Variants in UGGT2 observed in about 807,000 individuals in gnomAD.
The protein encoded by UGGT2 is UDP-glucose glycoprotein glucosyltransferase 2.
Under a neutral mutation model 192.1 loss-of-function variants are expected in UGGT2, and 180 were observed. The ratio of observed to expected loss-of-function variants is 0.94; its 90% CI spans 0.83 to 1.06. The LOEUF (loss-of-function observed/expected upper bound fraction) is 1.06, where lower values mean the gene tolerates loss of function less well. UGGT2 is among the 50% of genes least tolerant of loss of function. The probability of loss-of-function intolerance (pLI) is 0.00; values close to 1 mark genes in which losing one functional copy is unlikely to be tolerated. For missense variants in UGGT2, 1,849 were observed against 1,795.7 expected, an observed-to-expected ratio of 1.03 and a Z score of -0.54; for synonymous variants, 580 against 591.0, an observed-to-expected ratio of 0.98 and a Z score of 0.27.
At position 95,940,068 on chromosome 13, in the gene UGGT2, A is replaced by T; in HGVS notation, c.1701T>A (p.Asp567Glu). Residue 567 changes from aspartate (D) to glutamate (E), a missense_variant, in exon 16 of 39, where the codon GAT (aspartate) becomes GAA (glutamate). Transcript: ENST00000376747. ...CATTGTCCACAGTGAGTATATTTTGATCCTTCTTCACTTTTTGGTACATCT... is the reference window on the plus strand; with the variant it reads ...CATTGTCCACAGTGAGTATATTTTGTTCCTTCTTCACTTTTTGGTACATCT... ...IVHMYQKVKK[D>E]QNILTVDNVK... 1.3e-6 allele frequency: 2 copies of T among 1,539,470 alleles called. No homozygotes were observed. Among genetic ancestry groups the T allele is most frequent in the Non-Finnish European group, 8.8e-7 (1 of 1,138,012 alleles).
chr13:95,967,476 G>GT (rs56772987), intron 12 of UGGT2, among the ~76,000 whole-genome samples: 4 of 127,622 alleles, frequency 3.1e-5, no homozygotes, highest in African/African-American at 8.8e-5. Context: ...CAACTTTTTT[G>GT]TTTTTTTTTT....
intron 1 of UGGT2, among the ~76,000 whole-genome samples, chr13:96,045,521 A>T (rs2053284428): frequency 6.6e-6 from 1 of 152,218 alleles, no homozygotes; most frequent in Non-Finnish European, 1.5e-5. Flanking sequence ...AAGGGCATCC[A>T]AATCAGTAAA....
intron 38 of UGGT2, among the ~76,000 whole-genome samples, chr13:95,821,602 G>A (rs1348743355): frequency 6.6e-6 from 1 of 151,920 alleles, no homozygotes; most frequent in African/African-American, 2.4e-5. Flanking sequence ...ACTTATTTTT[G>A]TTCCATTTGC....
At chr13:95,819,831 GA>G (rs1480559802) in intron 38 of UGGT2, among the ~76,000 whole-genome samples, 1 of 152,098 alleles carries the variant, frequency 6.6e-6, no homozygotes, top group Admixed American at 6.6e-5. Flanking sequence ...AAAAACAGGA[GA>G]AAAATAAGAG....
At chr13:95,982,270 A>G (rs892674210) in intron 10 of UGGT2, among the ~76,000 whole-genome samples, 2 of 152,224 alleles carry the variant, frequency 1.3e-5, no homozygotes, top group African/African-American at 2.4e-5. Flanking sequence ...ATTTTCTAAC[A>G]AAGAACAGCC....
intron 13 of UGGT2, among the ~76,000 whole-genome samples, chr13:95,948,762 A>G (rs1343543754): frequency 1.3e-5 from 2 of 152,238 alleles, no homozygotes; most frequent in African/African-American, 4.8e-5. Context: ...TTATAAAATG[A>G]CATAAGGGCT....
At chr13:95,898,461 T>C (rs1295849968) in intron 22 of UGGT2, among the ~76,000 whole-genome samples, 1 of 152,162 alleles carries the variant, frequency 6.6e-6, no homozygotes, top group Non-Finnish European at 1.5e-5. Context: ...TTGCATTCAC[T>C]GTACTCTGTC....
At chr13:95,859,713 G>T (rs1889976232) in intron 32 of UGGT2, 38 bp from the exon 33 acceptor site, 1 of 1,411,186 alleles carries the variant, frequency 7.1e-7, no homozygotes, top group East Asian at 2.3e-5. Context: ...TACATTAACA[G>T]TAACAGGAGC....
intron 36 of UGGT2, among the ~76,000 whole-genome samples, chr13:95,851,937 A>C (rs1390423355): frequency 6.6e-6 from 1 of 152,226 alleles, no homozygotes; most frequent in Non-Finnish European, 1.5e-5. Flanking sequence ...GAATTACCAA[A>C]AATGTATTCA....
chr13:95,902,758 A>G, intron 21 of UGGT2, 96 bp downstream of exon 21: 1 of 1,198,022 alleles, frequency 8.3e-7, no homozygotes, highest in Non-Finnish European at 1.2e-6. Flanking sequence ...ATTTGTTTAA[A>G]TCTACCATTG....
chr13:95,896,300 T>C (rs958214642), intron 22 of UGGT2, among the ~76,000 whole-genome samples: 2 of 152,040 alleles, frequency 1.3e-5, no homozygotes, highest in African/African-American at 4.8e-5. Flanking sequence ...ATATCAAAGG[T>C]GACTAACTGG....
intron 36 of UGGT2, among the ~76,000 whole-genome samples, chr13:95,842,831 A>G (rs1888010819): frequency 6.6e-6 from 1 of 152,236 alleles, no homozygotes; most frequent in African/African-American, 2.4e-5. Context: ...CAACCATGTG[A>G]GTGACTTTGC....
At position 95,860,854 on chromosome 13, in the gene UGGT2, T is replaced by C. The variant is rs1395007073; in HGVS notation, c.3674A>G (p.Lys1225Arg). 2 of 1,570,116 alleles carry C rather than the reference T, an allele frequency of 1.3e-6. No individual in the cohort carries two copies. Among genetic ancestry groups the C allele is most frequent in the Non-Finnish European group, 1.7e-6 (2 of 1,159,894 alleles). ...SFTVSLHKEN[K>R]KEKDVLNIFS... is the part of the protein sequence containing the mutation. ...AATGTTTAGGACATCTTTTTCCTTT[T>C]TGTTTTCTTTATGCAAGCTTACTGT... Residue 1225 changes from lysine (K) to arginine (R), a missense_variant, in exon 32 of 39, where the codon AAA becomes AGA. By Grantham distance (26) the Lys-to-Arg change is conservative (BLOSUM62 2). Coordinates refer to ENST00000376747, the MANE Select transcript of UGGT2 (RefSeq NM_020121.4).
At chr13:95,805,095 A>G (rs570091007) in intron 38 of UGGT2, among the ~76,000 whole-genome samples, 12 of 152,218 alleles carry the variant, frequency 7.9e-5, no homozygotes, top group African/African-American at 2.9e-4. Flanking sequence ...AAAAACAAAA[A>G]ATCAAATAAC....
At chr13:95,931,635 A>T (rs2049274997) in intron 17 of UGGT2, among the ~76,000 whole-genome samples, 1 of 152,064 alleles carries the variant, frequency 6.6e-6, no homozygotes, top group East Asian at 1.9e-4. Flanking sequence ...AGGCAGCGAG[A>T]ATTCGAGCAC....
Position 95,867,338 on chromosome 13 carries a change from CT to C in UGGT2, c.3558del (p.Val1187Ter). ...NSFKSKILKV[K>X]VKKETDKIKE... Reference sequence around the variant, plus strand: ...CTATAAAAAGTTCTGCCCCCACATACTTTTACTTTGAGTATCTTGCTTTTGA... The same window carrying C: ...CTATAAAAAGTTCTGCCCCCACATACTTTACTTTGAGTATCTTGCTTTTGA... On this transcript the variant is annotated frameshift_variant and splice_region_variant, in exon 30 of 39. Transcript: ENST00000376747. LOFTEE classifies it high-confidence loss of function. The C allele has an allele frequency of 6.2e-7, 1 of 1,604,836 alleles. No individual in the cohort carries two copies. Among genetic ancestry groups the C allele is most frequent in the South Asian group, 1.1e-5 (1 of 88,764 alleles).
chr13:95,925,004 T>G (rs565817170), intron 20 of UGGT2, among the ~76,000 whole-genome samples: 10 of 152,240 alleles, frequency 6.6e-5, no homozygotes, highest in Non-Finnish European at 1.2e-4. Context: ...AAATGTTCAC[T>G]GTTTACCACC....
At chr13:95,954,752 T>TA (rs1305119950) in intron 12 of UGGT2, among the ~76,000 whole-genome samples, 1 of 152,190 alleles carries the variant, frequency 6.6e-6, no homozygotes, top group Non-Finnish European at 1.5e-5. Context: ...CCCTAAAATG[T>TA]ATAAAACCAA....
chr13:95,896,933 G>A (rs1425054790), intron 22 of UGGT2, among the ~76,000 whole-genome samples: 1 of 152,038 alleles, frequency 6.6e-6, no homozygotes, highest in Non-Finnish European at 1.5e-5. Flanking sequence ...GAAAATTGCA[G>A]AAAACTCTGT....
Sources: gnomAD v4.1 joint callset for allele counts (sites outside exome capture counted in the v4.1 genomes callset) on GRCh38, gnomAD v4.1.1 for gene constraint, MANE v1.5 for transcripts, NCBI Gene and HGNC (gene_info 2026-07-23, HGNC 2026-07-21) for gene names.